RRP1B: variants seen among roughly 807,000 people sequenced by gnomAD.
RRP1B encodes ribosomal RNA processing 1B.
Under a neutral mutation model 80.2 loss-of-function variants are expected in RRP1B, and 56 were observed. The observed-to-expected ratio is 0.70, with a 90% CI of 0.56 to 0.87. The LOEUF (loss-of-function observed/expected upper bound fraction) is 0.87. Among genes scored for constraint, RRP1B ranks in the 40% least tolerant of loss-of-function variants. The pLI is 0.00. For synonymous variants in RRP1B, 351 were observed against 357.6 expected, an observed-to-expected ratio of 0.98 and a Z score of 0.21; for missense variants, 807 against 939.8, an observed-to-expected ratio of 0.86 and a Z score of 1.85.
intron 12 of RRP1B, among the ~76,000 whole-genome samples, chr21:43,687,221 C>T (rs116317379): frequency 0.011 from 1,655 of 152,212 alleles, 21 homozygotes; most frequent in African/African-American, 0.037. Flanking sequence ...GATGACCACT[C>T]GAGATCTATG....
chr21:43,693,196 A>G lies in RRP1B; in HGVS notation c.2090A>G (p.Lys697Arg). Residue 697 changes from lysine (K) to arginine (R), a missense_variant, in exon 16 of 16, where the codon AAG becomes AGG. Transcript: ENST00000340648. This position sits in a 1 kb window ranked among gnomAD's most constrained non-coding sequence, Gnocchi z 4.1. ...GLNRNMTAEFKKTDKSILVSP... is the reference protein window; with the variant it reads ...GLNRNMTAEFRKTDKSILVSP... ...TTGCTCTCATTTGGGACAGAATTCA[A>G]GAAGACAGACAAGAGTATCTTGGTC... 1 of 1,613,984 alleles carries G rather than the reference A, an allele frequency of 6.2e-7. No individual in the cohort carries two copies. Among genetic ancestry groups the G allele is most frequent in the Non-Finnish European group, 8.5e-7 (1 of 1,179,952 alleles).
intron 8 of RRP1B, among the ~76,000 whole-genome samples, chr21:43,677,989 A>G (rs919249591): frequency 3.3e-5 from 5 of 152,234 alleles, no homozygotes; most frequent in Admixed American, 1.3e-4. Context: ...TCTTTTTCAT[A>G]TAGTGGCTTC....
chr21:43,674,157 G>A (rs528646399), intron 4 of RRP1B, among the ~76,000 whole-genome samples: 6 of 152,274 alleles, frequency 3.9e-5, no homozygotes, highest in African/African-American at 9.6e-5. Flanking sequence ...TAGTGAATAC[G>A]TTGGGTATTT....
At position 43,691,502 on chromosome 21, in the gene RRP1B, G is replaced by A. The variant is rs150103297; in HGVS notation, c.2083G>A (p.Glu695Lys). The A allele has an allele frequency of 6.2e-5, 100 of 1,613,804 alleles. No individual in the cohort carries two copies. Among genetic ancestry groups the A allele is most frequent in the Middle Eastern group, 1.6e-4 (1 of 6,084 alleles). ...TFGLNRNMTA[E>K]FKKTDKSILV... ...TGGGCTGAACAGAAACATGACTGCC[G>A]GTAAGTGGGGTTTTGCCAGCGGCAA... Residue 695 changes from glutamate (E) to lysine (K), a missense_variant and splice_region_variant, in exon 15 of 16, where the codon GAA (glutamate) becomes AAA (lysine). By Grantham distance (56) the Glu-to-Lys change is moderately conservative. Coordinates refer to ENST00000340648, the MANE Select transcript of RRP1B (RefSeq NM_015056.3). This position sits in a 1 kb window ranked among gnomAD's most constrained non-coding sequence, Gnocchi z 4.2.
Position 43,691,444 on chromosome 21 carries a change from C to G in RRP1B, c.2025C>G (p.Asn675Lys). The G allele has an allele frequency of 1.2e-6, 2 of 1,613,992 alleles. No homozygotes were observed. Among genetic ancestry groups the G allele is most frequent in the Non-Finnish European group, 8.5e-7 (1 of 1,179,896 alleles). Residue 675 changes from asparagine (N) to lysine (K), a missense_variant, in exon 15 of 16, where the codon AAC becomes AAG. Physicochemically the swap from Asn to Lys is moderately conservative, Grantham distance 94 (BLOSUM62 0). Transcript: ENST00000340648. This position sits in a 1 kb window ranked among gnomAD's most constrained non-coding sequence, Gnocchi z 4.2. ...THPPGPAVQL[N>K]KTPSSSKKVT... ...CTGTTATTTCTCTTCTGCAGCTAAA[C>G]AAGACACCATCCAGCTCCAAGAAAG...
intron 5 of RRP1B, 83 bp downstream of exon 5, chr21:43,674,780 T>A: frequency 7.9e-7 from 1 of 1,264,892 alleles, no homozygotes; most frequent in African/African-American, 1.5e-5. Context: ...ACTTGTAGAG[T>A]ACCAATGAGA....
chr21:43,661,922 C>T (rs2082959182), intron 1 of RRP1B, among the ~76,000 whole-genome samples: 1 of 152,242 alleles, frequency 6.6e-6, no homozygotes, highest in South Asian at 2.1e-4. Flanking sequence ...AGTATCACTT[C>T]CTTCAAAAAG....
chr21:43,692,880 A>G (rs1443122015), intron 15 of RRP1B, among the ~76,000 whole-genome samples: 2 of 152,032 alleles, frequency 1.3e-5, no homozygotes, highest in Non-Finnish European at 2.9e-5. Context: ...TGCCTGGTTC[A>G]CTCATTGTCC....
At position 43,659,789 on chromosome 21, in the gene RRP1B, A is replaced by G. The variant is rs2082940582; in HGVS notation, c.125A>G (p.Glu42Gly). 2 of 1,502,672 alleles carry G rather than the reference A, an allele frequency of 1.3e-6. No individual in the cohort carries two copies. Among genetic ancestry groups the G allele is most frequent in the African/African-American group, 2.9e-5 (2 of 69,490 alleles). The allele number at this position is 1,502,672 out of a possible 1,614,324, so 93.1% of individuals were successfully genotyped here. A position where few individuals can be genotyped will look rare whatever the true frequency, so the allele number is the denominator to read the frequency against. The change falls in exon 1 of 16, where the codon GAG (glutamate) becomes GGG (glycine). Residue 42 changes from glutamate to glycine, a missense_variant. Coordinates refer to ENST00000340648, the MANE Select transcript of RRP1B (RefSeq NM_015056.3). This position sits in a 1 kb window ranked among gnomAD's most constrained non-coding sequence, Gnocchi z 4.2. ...TACATCAGCGTGAAGACGCAGAGGG[A>G]GACAGGTGGGCGCACGGCCGCGGTC... ...RQYISVKTQR[E>G]TGGFSQEELL...
intron 2 of RRP1B, among the ~76,000 whole-genome samples, 164 bp downstream of exon 2, chr21:43,670,130 G>C (rs982509338): frequency 1.3e-5 from 2 of 152,204 alleles, no homozygotes; most frequent in African/African-American, 4.8e-5. Flanking sequence ...GGGATGCAGG[G>C]TCAACACAGT....
chr21:43,687,508 C>T lies in RRP1B; in HGVS notation c.1142-8C>T. On this transcript the variant is annotated splice_region_variant and splice_polypyrimidine_tract_variant and intron_variant, in intron 12 of 15. Coordinates refer to ENST00000340648, the MANE Select transcript of RRP1B (RefSeq NM_015056.3). ...TGGGTGCTTGTTGATGGGTTTCTGT[C>T]TTTTTAGGAAGCAGAGTCTTTTGTG... 1 of 1,478,206 alleles carries T rather than the reference C, an allele frequency of 6.8e-7. No individual in the cohort carries two copies. The highest frequency in any genetic ancestry group is 8.9e-7 in the Non-Finnish European group (1 of 1,119,994). 91.6% of individuals were successfully genotyped at this position (1,478,206 alleles called of 1,614,324 possible).
At chr21:43,670,183 G>A (rs768794906) in intron 2 of RRP1B, among the ~76,000 whole-genome samples, 1 of 152,218 alleles carries the variant, frequency 6.6e-6, no homozygotes, top group African/African-American at 2.4e-5. Flanking sequence ...ATGTGCATTC[G>A]TTGTCAATTT....
intron 2 of RRP1B, 67 bp downstream of exon 2, chr21:43,670,033 C>CTTTTTTA: frequency 8.7e-7 from 1 of 1,150,184 alleles, no homozygotes; most frequent in Non-Finnish European, 1.3e-6. Flanking sequence ...CTTGATCACT[C>CTTTTTTA]ATGCTGTGCC....
intron 7 of RRP1B, 103 bp downstream of exon 7, chr21:43,676,439 C>T (rs1397412160): frequency 1.9e-5 from 17 of 880,784 alleles, no homozygotes; most frequent in Non-Finnish European, 3.1e-5. Flanking sequence ...CACTGCTTCA[C>T]AGCAGAGAGC....
chr21:43,692,602 CAA>C (rs879723593), intron 15 of RRP1B, among the ~76,000 whole-genome samples: 19 of 100,688 alleles, frequency 1.9e-4, no homozygotes, highest in Non-Finnish European at 1.0e-4. Flanking sequence ...GACTCCATCT[CAA>C]AAAAAAAAAA....
At chr21:43,673,362 G>C (rs1035100187) in intron 3 of RRP1B, among the ~76,000 whole-genome samples, 6 of 152,074 alleles carry the variant, frequency 3.9e-5, no homozygotes, top group Admixed American at 1.3e-4. Flanking sequence ...GGCCAGGCAC[G>C]GTGGCTCACG....
intron 1 of RRP1B, among the ~76,000 whole-genome samples, chr21:43,665,904 A>G (rs1354336872): frequency 6.6e-6 from 1 of 152,232 alleles, no homozygotes; most frequent in Admixed American, 6.5e-5. Context: ...GCAGCGCAAC[A>G]GACTAAGACA....
chr21:43,667,428 T>C (rs1326973756), intron 1 of RRP1B, among the ~76,000 whole-genome samples: 1 of 152,132 alleles, frequency 6.6e-6, no homozygotes, highest in Non-Finnish European at 1.5e-5. Context: ...TGTGTGTGTG[T>C]GTTTAAGACA....
chr21:43,690,522 G>A lies in RRP1B; in HGVS notation c.2019+82G>A, dbSNP rs375895370. 234 of 1,494,704 alleles carry A rather than the reference G, an allele frequency of 1.6e-4. No homozygotes were observed. In the African/African-American group the frequency reaches 2.8e-3, roughly 18 times the overall value. The allele number at this position is 1,494,704 out of a possible 1,614,324, so 92.6% of individuals were successfully genotyped here. On this transcript the variant is annotated intron_variant, in intron 14 of 15. Transcript: ENST00000340648. ...TTGAGCTGACAGTGCTTCCCATGCCGGGCCTGGAGCCCCACTGTGGCCCTC... is the reference window on the plus strand; with the variant it reads ...TTGAGCTGACAGTGCTTCCCATGCCAGGCCTGGAGCCCCACTGTGGCCCTC...
Sources: allele counts gnomAD v4.1 joint callset (sites outside exome capture counted in the v4.1 genomes callset), GRCh38; gene constraint gnomAD v4.1.1; non-coding constraint Gnocchi (gnomAD v3.1); transcripts MANE v1.5; gene names NCBI Gene and HGNC (gene_info 2026-07-23, HGNC 2026-07-21).